Variants in FAM135A observed in about 807,000 individuals in gnomAD.
The protein encoded by FAM135A is protein FAM135A.
FAM135A carries 79 observed loss-of-function variants against 146.8 expected under a neutral mutation model. The observed-to-expected ratio is 0.54, with a 90% CI of 0.45 to 0.65. The LOEUF (loss-of-function observed/expected upper bound fraction) is 0.65, where lower values mean the gene tolerates loss of function less well. Ranked by LOEUF, FAM135A falls within the 30% of genes least tolerant of loss-of-function variation. The pLI is 0.00. For synonymous variants in FAM135A, 562 were observed against 603.6 expected (o/e 0.93, Z 1.01); for missense variants, 1,623 against 1,758.2 (o/e 0.92, Z 1.38).
At chr6:70,512,454 G>A (rs111231242) in intron 12 of FAM135A, among the ~76,000 whole-genome samples, 3,231 of 151,550 alleles carry the variant, frequency 0.021, 109 homozygotes, top group African/African-American at 0.074. Flanking sequence ...TTCCAAAATG[G>A]CTATACAGTT....
At chr6:70,436,493 T>C (rs1446761645) in intron 4 of FAM135A, among the ~76,000 whole-genome samples, 1 of 152,208 alleles carries the variant, frequency 6.6e-6, no homozygotes, top group Non-Finnish European at 1.5e-5. Context: ...TAATCTGTGC[T>C]ATGGTATAGG....
At position 70,524,378 on chromosome 6, in the gene FAM135A, C is replaced by T. The variant is rs1794254674; in HGVS notation, c.1294C>T (p.Gln432Ter). Residue 432 changes from glutamine (Q) to a stop codon, truncating the protein, a stop_gained, in exon 15 of 22, where the codon CAG (glutamine) becomes TAG (stop). Transcript: ENST00000418814. LOFTEE classifies it high-confidence loss of function. ...DAPWMGIQNL[Q>*]RSESSKMDKY... is the part of the protein sequence containing the mutation. ...ACCCTGGATGGGAATTCAGAATCTTCAGAGATCAGAGTCCAGTAAAATGGA... is the reference window on the plus strand; with the variant it reads ...ACCCTGGATGGGAATTCAGAATCTTTAGAGATCAGAGTCCAGTAAAATGGA... 15 of 1,501,322 alleles carry T rather than the reference C, an allele frequency of 1.0e-5. No homozygotes were observed. The highest frequency in any genetic ancestry group is 1.3e-5 in the Non-Finnish European group (15 of 1,130,836). The allele number at this position is 1,501,322 out of a possible 1,614,324, so 93.0% of individuals were successfully genotyped here. A position where few individuals can be genotyped will look rare whatever the true frequency, so the allele number is the denominator to read the frequency against.
intron 15 of FAM135A, among the ~76,000 whole-genome samples, 162 bp downstream of exon 15, chr6:70,526,860 G>T (rs1794855600): frequency 6.6e-6 from 1 of 150,406 alleles, no homozygotes; most frequent in African/African-American, 2.5e-5. Flanking sequence ...TTGTTGTCTG[G>T]TTTCTGTAAT....
intron 5 of FAM135A, among the ~76,000 whole-genome samples, chr6:70,456,035 A>G (rs1401760384): frequency 6.6e-6 from 1 of 152,142 alleles, no homozygotes; most frequent in Non-Finnish European, 1.5e-5. Flanking sequence ...TATTTTTAGT[A>G]GAGATGGGGT....
At chr6:70,537,238 T>C (rs73485152) in intron 19 of FAM135A, among the ~76,000 whole-genome samples, 6,517 of 152,208 alleles carry the variant, frequency 0.043, 299 homozygotes, top group African/African-American at 0.1. Context: ...CTGGCCTTGA[T>C]TTGCCTTTTG....
chr6:70,452,683 G>A (rs967823648), intron 5 of FAM135A, 112 bp downstream of exon 5: 1 of 639,398 alleles, frequency 1.6e-6, no homozygotes, highest in Non-Finnish European at 2.5e-6. Context: ...ACATCATTAT[G>A]ATAACCATTG....
intron 4 of FAM135A, among the ~76,000 whole-genome samples, chr6:70,450,972 A>G (rs1156986866): frequency 6.6e-6 from 1 of 151,538 alleles, no homozygotes; most frequent in Non-Finnish European, 1.5e-5. Context: ...TGAACTCCTG[A>G]CCTCAAGTGA....
rs762097440 is a variant in FAM135A at position 70,522,591 on chromosome 6, G to C, written c.1103+5G>C. On this transcript the variant is annotated splice_donor_5th_base_variant and intron_variant, in intron 13 of 21. Coordinates refer to ENST00000418814, the MANE Select transcript of FAM135A (RefSeq NM_001162529.3). ...CATTGCATACCAGGAACTTCAGTGA[G>C]TAGTATAAATTCAAAATTAAAATGA... 1 of 1,609,432 alleles carries C rather than the reference G, an allele frequency of 6.2e-7. No individual in the cohort carries two copies. The highest frequency in any genetic ancestry group is 1.1e-5 in the South Asian group (1 of 90,348).
chr6:70,516,566 T>C (rs1213846199), intron 12 of FAM135A, among the ~76,000 whole-genome samples: 1 of 144,488 alleles, frequency 6.9e-6, no homozygotes, highest in African/African-American at 2.6e-5. Flanking sequence ...GACAGAGTCT[T>C]GCTCTGTCAC....
chr6:70,476,358 A>C (rs562937419), intron 7 of FAM135A, among the ~76,000 whole-genome samples: 10 of 152,334 alleles, frequency 6.6e-5, no homozygotes, highest in Non-Finnish European at 1.2e-4. Flanking sequence ...ATAATTCTCA[A>C]AAATGATATA....
At chr6:70,432,254 C>A (rs1043768736) in intron 4 of FAM135A, among the ~76,000 whole-genome samples, 1 of 152,136 alleles carries the variant, frequency 6.6e-6, no homozygotes, top group Admixed American at 6.5e-5. Flanking sequence ...TATACTTAAT[C>A]TCTACCTGCT....
intron 6 of FAM135A, 26 bp from the exon 7 acceptor site, chr6:70,475,637 T>C (rs1782480505): frequency 6.3e-7 from 1 of 1,594,810 alleles, no homozygotes; most frequent in African/African-American, 1.4e-5. Context: ...TTTCAAAAAG[T>C]ATCTCATAGT....
chr6:70,538,602 T>C (rs1797209520), intron 20 of FAM135A, among the ~76,000 whole-genome samples: 1 of 151,964 alleles, frequency 6.6e-6, no homozygotes, highest in South Asian at 2.1e-4. Flanking sequence ...TTCACATGAC[T>C]GTATTTCTCT....
At chr6:70,439,230 A>C (rs1475035262) in intron 4 of FAM135A, among the ~76,000 whole-genome samples, 1 of 152,184 alleles carries the variant, frequency 6.6e-6, no homozygotes, top group African/African-American at 2.4e-5. Context: ...ACGTGTTCTG[A>C]TTGATGGCAG....
chr6:70,471,713 C>T (rs1562479838), intron 5 of FAM135A, among the ~76,000 whole-genome samples: 1 of 152,090 alleles, frequency 6.6e-6, no homozygotes, highest in Non-Finnish European at 1.5e-5. Context: ...CACATGTACC[C>T]TTGAACTTAA....
chr6:70,529,541 A>G (rs1443621162), intron 16 of FAM135A, among the ~76,000 whole-genome samples: 2 of 152,148 alleles, frequency 1.3e-5, no homozygotes, highest in East Asian at 3.9e-4. Flanking sequence ...TTATCCCCCA[A>G]GAAAGACTTC....
chr6:70,422,029 G>A (rs1335769473), intron 2 of FAM135A, among the ~76,000 whole-genome samples: 1 of 152,178 alleles, frequency 6.6e-6, no homozygotes, highest in African/African-American at 2.4e-5. Context: ...GTGGCGTTAA[G>A]AATCTGTGTA....
chr6:70,493,703 G>A (rs1293916335), intron 11 of FAM135A, among the ~76,000 whole-genome samples: 2 of 152,128 alleles, frequency 1.3e-5, no homozygotes, highest in African/African-American at 4.8e-5. Context: ...ATGCCCAATG[G>A]TAGAATAGTT....
intron 3 of FAM135A, among the ~76,000 whole-genome samples, chr6:70,427,536 A>C (rs1770465409): frequency 6.6e-6 from 1 of 150,660 alleles, no homozygotes; most frequent in African/African-American, 2.4e-5. Context: ...TGTCTCACAA[A>C]AAAAAAAAAA....
Sources: allele counts gnomAD v4.1 joint callset (sites outside exome capture counted in the v4.1 genomes callset), GRCh38; gene constraint gnomAD v4.1.1; transcripts MANE v1.5; gene names NCBI Gene and HGNC (gene_info 2026-07-23, HGNC 2026-07-21).